Variants in NUDT5 observed in about 807,000 individuals in gnomAD.
NUDT5 encodes the protein ADP-sugar pyrophosphatase.
A neutral mutation model predicts 34.1 loss-of-function variants in NUDT5; 21 were observed. The observed-to-expected ratio is 0.62, with a 90% CI of 0.44 to 0.89. The LOEUF is 0.89. Among genes scored for constraint, NUDT5 ranks in the 40% least tolerant of loss-of-function variants. The pLI, the probability that NUDT5 is intolerant of heterozygous loss-of-function variation, is 0.00. For missense variants in NUDT5, 249 were observed against 274.8 expected (o/e 0.91, Z 0.66); for synonymous variants, 85 against 97.6 (o/e 0.87, Z 0.76).
rs545642565 is a variant in NUDT5 at position 12,181,695 on chromosome 10, C to T, written c.132-2563G>A. On this transcript the variant is annotated intron_variant, in intron 3 of 9. Transcript: ENST00000491614. The surrounding 1 kb of genome is among the most constrained non-coding windows in gnomAD (Gnocchi z 5.0). ...CGCCGTGTGCGTGCAAAGGATATAT[C>T]GGGCCGGGTGTGGTGGCTCACGCCT... 7.9e-5 allele frequency among the ~76,000 whole-genome samples: 12 copies of T among 151,940 alleles called. No individual in the cohort carries two copies. Among genetic ancestry groups the T allele is most frequent in the East Asian group, 1.9e-4 (1 of 5,180 alleles).
rs1322807759 is a variant in NUDT5 at position 12,181,348 on chromosome 10, G to A, written c.132-2216C>T. On this transcript the variant is annotated intron_variant, in intron 3 of 9. Transcript: ENST00000491614. This position sits in a 1 kb window ranked among gnomAD's most constrained non-coding sequence, Gnocchi z 5.0. ...GATTTTGGTATCTGCAGGGGGTCCT[G>A]GAACCAACCCCGACAGACACCAAGT... 3.3e-5 allele frequency among the ~76,000 whole-genome samples: 5 copies of A among 152,144 alleles called. No individual in the cohort carries two copies. The highest frequency in any genetic ancestry group is 1.2e-4 in the African/African-American group (5 of 41,422).
chr10:12,169,022 C>CA lies in NUDT5; in HGVS notation c.551-1212dup, dbSNP rs1410437705. Among the ~76,000 whole-genome samples the CA allele has an allele frequency of 4.6e-5, 7 of 152,186 alleles. No individual in the cohort carries two copies. The highest frequency in any genetic ancestry group is 7.3e-5 in the Non-Finnish European group (5 of 68,040). On this transcript the variant is annotated intron_variant, in intron 9 of 9. Transcript: ENST00000491614. This position sits in a 1 kb window ranked among gnomAD's most constrained non-coding sequence, Gnocchi z 4.8. ...AAGTGATCAGCCTACCTCGGCCTCCCAAAGTGCTGGGATTACAGGCGTGAG... is the reference window on the plus strand; with the variant it reads ...AAGTGATCAGCCTACCTCGGCCTCCCAAAAGTGCTGGGATTACAGGCGTGAG...
chr10:12,193,442 T>TC (rs1422658447), intron 1 of NUDT5, among the ~76,000 whole-genome samples: 3 of 151,998 alleles, frequency 2.0e-5, no homozygotes, highest in African/African-American at 7.3e-5. Flanking sequence ...ATAAATCTCC[T>TC]CCCCCATAAT....
At chr10:12,190,321 G>T (rs1835202641) in intron 1 of NUDT5, among the ~76,000 whole-genome samples, 1 of 152,138 alleles carries the variant, frequency 6.6e-6, no homozygotes, top group African/African-American at 2.4e-5. Flanking sequence ...TAATTCTCCA[G>T]AGCATAAAAA....
Position 12,175,128 on chromosome 10 carries a change from T to C in NUDT5, c.290-1315A>G, listed in dbSNP as rs1834927631. On this transcript the variant is annotated intron_variant, in intron 5 of 9. Coordinates refer to ENST00000491614, the MANE Select transcript of NUDT5 (RefSeq NM_014142.4). The surrounding 1 kb of genome is among the most constrained non-coding windows in gnomAD (Gnocchi z 4.8). ...TGAGGTCAGGGGTTCGAGACCAGCCTGGCCAACATGGTGAAACCCTGTCTC... is the reference window on the plus strand; with the variant it reads ...TGAGGTCAGGGGTTCGAGACCAGCCCGGCCAACATGGTGAAACCCTGTCTC... Among the ~76,000 whole-genome samples the C allele has an allele frequency of 6.6e-6, 1 of 152,072 alleles. No individual in the cohort carries two copies. The highest frequency in any genetic ancestry group is 2.4e-5 in the African/African-American group (1 of 41,406).
Position 12,188,147 on chromosome 10 carries a change from G to A in NUDT5, c.-41-1815C>T, listed in dbSNP as rs532803994. Among the ~76,000 whole-genome samples the A allele has an allele frequency of 6.6e-5, 10 of 151,932 alleles. 1 individual carries two copies. The highest frequency in any genetic ancestry group is 2.1e-4 in the South Asian group (1 of 4,810). ...TCTCTAACCTACCCCACCTAACTTCGGCTTCAAAGAAAATACAGCCCACCC... is the reference window on the plus strand; with the variant it reads ...TCTCTAACCTACCCCACCTAACTTCAGCTTCAAAGAAAATACAGCCCACCC... On this transcript the variant is annotated intron_variant, in intron 1 of 9. Transcript: ENST00000491614.
chr10:12,185,050 C>A, intron 2 of NUDT5, 94 bp from the exon 3 acceptor site: 2 of 689,038 alleles, frequency 2.9e-6, no homozygotes, highest in Non-Finnish European at 5.2e-6. Flanking sequence ...TGTCTTTCCC[C>A]AGACTCCCAA....
In NUDT5 at chr10:12,166,334, T is replaced by C. The variant is rs1394824172; in HGVS notation, c.*1368A>G. On this transcript the variant is annotated 3_prime_UTR_variant, in exon 10 of 10. Transcript: ENST00000491614. Reference sequence around the variant, plus strand: ...CTTTGGAGAATCACAATGCCTGTGATTGAAATCAGGATTTAAAAAAGGGTT... The same window carrying C: ...CTTTGGAGAATCACAATGCCTGTGACTGAAATCAGGATTTAAAAAAGGGTT... The C allele has an allele frequency of 6.5e-6, 1 of 154,440 alleles. No homozygotes were observed. The highest frequency in any genetic ancestry group is 2.4e-5 in the African/African-American group (1 of 41,474). 9.6% of individuals were successfully genotyped at this position (154,440 alleles called of 1,614,324 possible).
chr10:12,166,829 G>C lies in NUDT5; in HGVS notation c.*873C>G, dbSNP rs1488628364. On this transcript the variant is annotated 3_prime_UTR_variant, in exon 10 of 10. Coordinates refer to ENST00000491614, the MANE Select transcript of NUDT5 (RefSeq NM_014142.4). ...CACTGGTAGAACTGCTAGATGACAG[G>C]GTTTCAGGCATGGGAACCAGATCAA... 2.2e-6 allele frequency: 1 copy of C among 457,188 alleles called. No individual in the cohort carries two copies. The highest frequency in any genetic ancestry group is 2.0e-5 in the African/African-American group (1 of 49,164). 28.3% of individuals were successfully genotyped at this position (457,188 alleles called of 1,614,324 possible).
intron 1 of NUDT5, among the ~76,000 whole-genome samples, chr10:12,194,902 CTTGTAAA>C (rs1835305058): frequency 6.6e-6 from 1 of 152,234 alleles, no homozygotes; most frequent in South Asian, 2.1e-4. Flanking sequence ...TGGCTCACGC[CTTGTAAA>C]CCCAGCACTT....
intron 2 of NUDT5, among the ~76,000 whole-genome samples, chr10:12,185,613 A>G (rs1835113819): frequency 6.6e-6 from 1 of 152,208 alleles, no homozygotes; most frequent in African/African-American, 2.4e-5. Context: ...CTACTATCCT[A>G]TCTTTCACTT....
Position 12,182,942 on chromosome 10 carries a change from G to A in NUDT5, c.131+1947C>T, listed in dbSNP as rs930610839. On this transcript the variant is annotated intron_variant, in intron 3 of 9. Transcript: ENST00000491614. The surrounding 1 kb of genome is among the most constrained non-coding windows in gnomAD (Gnocchi z 4.3). Reference sequence around the variant, plus strand: ...AGTAGAGACGGGGTTTCACAATGTTGGCCAGGCTGGTCTCGAACTCTTGAC... The same window carrying A: ...AGTAGAGACGGGGTTTCACAATGTTAGCCAGGCTGGTCTCGAACTCTTGAC... Among the ~76,000 whole-genome samples, 3 of 152,232 alleles carry A rather than the reference G, an allele frequency of 2.0e-5. No individual in the cohort carries two copies. Among genetic ancestry groups the A allele is most frequent in the South Asian group, 4.2e-4 (2 of 4,816 alleles).
intron 1 of NUDT5, among the ~76,000 whole-genome samples, chr10:12,191,434 C>CACT (rs1835229203): frequency 6.6e-6 from 1 of 151,784 alleles, no homozygotes; most frequent in African/African-American, 2.4e-5. Flanking sequence ...AAACCACCAC[C>CACT]ACAAAACTCC....
rs534631682 is a variant in NUDT5 at position 12,171,315 on chromosome 10, A to C, written c.488-407T>G. Among the ~76,000 whole-genome samples the C allele has an allele frequency of 7.4e-4, 112 of 152,288 alleles. No individual in the cohort carries two copies. Among genetic ancestry groups the C allele is most frequent in the African/African-American group, 2.6e-3 (109 of 41,570 alleles). ...AGAAACTCGGGATCCACTCAACACT[A>C]ATTCCCCATCCCTAGTAGCGCTTAC... On this transcript the variant is annotated intron_variant, in intron 7 of 9. Transcript: ENST00000491614. The surrounding 1 kb of genome is among the most constrained non-coding windows in gnomAD (Gnocchi z 4.2).
rs1260547799 is a variant in NUDT5, at chr10:12,170,079, CAT to C, written c.550+636_550+637del. Reference sequence around the variant, plus strand: ...TCCTCGTCTCCACACAGTATCTCCTCATGTCTCCATACAGTATCTCCTCTCGT... The same window carrying C: ...TCCTCGTCTCCACACAGTATCTCCTCGTCTCCATACAGTATCTCCTCTCGT... On this transcript the variant is annotated intron_variant, in intron 9 of 9. Transcript: ENST00000491614. This position sits in a 1 kb window ranked among gnomAD's most constrained non-coding sequence, Gnocchi z 4.9. 6.2e-7 allele frequency: 1 copy of C among 1,604,020 alleles called. No individual in the cohort carries two copies. Among genetic ancestry groups the C allele is most frequent in the Non-Finnish European group, 8.5e-7 (1 of 1,171,848 alleles).
At position 12,166,643 on chromosome 10, in the gene NUDT5, C is replaced by G. The variant is rs568929900; in HGVS notation, c.*1059G>C. On this transcript the variant is annotated 3_prime_UTR_variant, in exon 10 of 10. Transcript: ENST00000491614. ...TCAGGGCCTGGCTTACCCGCTGGAGCCAGGCTAGAAACATGACTTAGGGCT... is the reference window on the plus strand; with the variant it reads ...TCAGGGCCTGGCTTACCCGCTGGAGGCAGGCTAGAAACATGACTTAGGGCT... 15 of 453,804 alleles carry G rather than the reference C, an allele frequency of 3.3e-5. No homozygotes were observed. In the East Asian group the frequency reaches 1.0e-3, roughly 32 times the overall value. The allele number at this position is 453,804 out of a possible 1,614,324, so 28.1% of individuals were successfully genotyped here.
In NUDT5 at chr10:12,172,624, GAC is replaced by G. The variant is rs1834876891; in HGVS notation, c.487+139_487+140del. ...GCTAAAATACATGATTAGGAAGAGA[GAC>G]AAGAATACTGATGAAGTCTATTTGA... On this transcript the variant is annotated intron_variant, in intron 7 of 9. Transcript: ENST00000491614. 3 of 625,376 alleles carry G rather than the reference GAC, an allele frequency of 4.8e-6. No individual in the cohort carries two copies. In the African/African-American group the frequency reaches 5.5e-5, roughly 11 times the overall value. The allele number at this position is 625,376 out of a possible 1,614,324, so 38.7% of individuals were successfully genotyped here.
rs1332631169 is a variant in NUDT5 at position 12,169,193 on chromosome 10, T to C, written c.551-1382A>G. ...CTTGGTTCTTTTACCCCTCCTCCTTTATAGCCATAGTAGCCCTCTCTCCAC... is the reference window on the plus strand; with the variant it reads ...CTTGGTTCTTTTACCCCTCCTCCTTCATAGCCATAGTAGCCCTCTCTCCAC... On this transcript the variant is annotated intron_variant, in intron 9 of 9. Transcript: ENST00000491614. This position sits in a 1 kb window ranked among gnomAD's most constrained non-coding sequence, Gnocchi z 4.8. 2.1e-5 allele frequency: 23 copies of C among 1,082,726 alleles called. No homozygotes were observed. The highest frequency in any genetic ancestry group is 2.0e-5 in the Non-Finnish European group (15 of 738,482). 67.1% of individuals were successfully genotyped at this position (1,082,726 alleles called of 1,614,324 possible).
intron 1 of NUDT5, among the ~76,000 whole-genome samples, chr10:12,194,158 A>G (rs533613595): frequency 4.6e-5 from 7 of 152,374 alleles, no homozygotes; most frequent in Admixed American, 3.3e-4. Context: ...CACAGGCATG[A>G]GGCACCGCGC....
Sources: allele counts gnomAD v4.1 joint callset (sites outside exome capture counted in the v4.1 genomes callset), GRCh38; gene constraint gnomAD v4.1.1; non-coding constraint Gnocchi (gnomAD v3.1); transcripts MANE v1.5; gene names NCBI Gene and HGNC (gene_info 2026-07-23, HGNC 2026-07-21).